GKN2: variants seen among roughly 807,000 people sequenced by gnomAD.
GKN2 encodes gastrokine-2.
Under a neutral mutation model 22.7 loss-of-function variants are expected in GKN2, and 17 were observed. The ratio of observed to expected loss-of-function variants is 0.75; its 90% CI spans 0.51 to 1.13. GKN2 has a LOEUF of 1.13. Among genes scored for constraint, GKN2 ranks in the 50% most tolerant of loss-of-function variants. The pLI is 0.00. For missense variants in GKN2, 248 were observed against 221.4 expected, an observed-to-expected ratio of 1.12 and a Z score of -0.76; for synonymous variants, 82 against 79.6, an observed-to-expected ratio of 1.03 and a Z score of -0.16.
chr2:68,946,539 TTTTCTC>T (rs1160293512), intron 4 of GKN2, 79 bp from the exon 5 acceptor site: 1 of 1,239,964 alleles, frequency 8.1e-7, no homozygotes, highest in African/African-American at 1.5e-5. Flanking sequence ...TTGTGACAAT[TTTTCTC>T]TTTCAGATTA....
intron 2 of GKN2, 81 bp from the exon 3 acceptor site, chr2:68,950,344 C>A: frequency 7.3e-7 from 1 of 1,373,278 alleles, no homozygotes; most frequent in Non-Finnish European, 9.9e-7. Flanking sequence ...AATAAAGCAG[C>A]TGCCTGCTAT....
At chr2:68,948,249 A>AAAC (rs1669800500) in intron 3 of GKN2, among the ~76,000 whole-genome samples, 2 of 49,808 alleles carry the variant, frequency 4.0e-5, no homozygotes, top group Admixed American at 4.4e-4. Context: ...CCGTCAAAAA[A>AAAC]AAAAAACAAA....
intron 4 of GKN2, 67 bp from the exon 5 acceptor site, chr2:68,946,527 A>C: frequency 5.4e-6 from 7 of 1,306,602 alleles, no homozygotes; most frequent in Non-Finnish European, 6.2e-6. Context: ...CCTTATTCTA[A>C]ATTGTGACAA....
intron 1 of GKN2, among the ~76,000 whole-genome samples, chr2:68,951,868 C>A (rs1355464081): frequency 4.6e-5 from 7 of 152,214 alleles, no homozygotes; most frequent in Non-Finnish European, 1.5e-5. Flanking sequence ...CCAAAATGAT[C>A]TCCCTTCCAA....
At chr2:68,947,413 C>A (rs960926239) in intron 3 of GKN2, among the ~76,000 whole-genome samples, 156 bp from the exon 4 acceptor site, 1 of 152,168 alleles carries the variant, frequency 6.6e-6, no homozygotes, top group Non-Finnish European at 1.5e-5. Context: ...ATCCACTTGA[C>A]TTATTTTACA....
At position 68,950,208 on chromosome 2, in the gene GKN2, G is replaced by T. The variant is rs762607590; in HGVS notation, c.122C>A (p.Thr41Lys). The change falls in exon 3 of 6, where the codon ACA (threonine) becomes AAA (lysine). Residue 41 changes from threonine (T) to lysine (K), a missense_variant. Coordinates refer to ENST00000328895, the MANE Select transcript of GKN2 (RefSeq NM_182536.3). ...NNGGNVQETV[T>K]IDNEKNTAII... ...GGCGGTATTTTTTTCATTATCAATT[G>T]TCACTGTCTCCTGAACATTGCCACC... 8.1e-6 allele frequency: 13 copies of T among 1,613,548 alleles called. No individual in the cohort carries two copies. Among genetic ancestry groups the T allele is most frequent in the African/African-American group, 4.0e-5 (3 of 74,912 alleles).
At position 68,945,336 on chromosome 2, in the gene GKN2, T is replaced by G; in HGVS notation, c.*32A>C. 1 of 1,472,836 alleles carries G rather than the reference T, an allele frequency of 6.8e-7. No homozygotes were observed. The highest frequency in any genetic ancestry group is 1.3e-5 in the South Asian group (1 of 76,310). 91.2% of individuals were successfully genotyped at this position (1,472,836 alleles called of 1,614,324 possible). On this transcript the variant is annotated 3_prime_UTR_variant, in exon 6 of 6. Transcript: ENST00000328895. ...TGAGTGTAAACCAAGGATGTATTTC[T>G]TTGAAAAGATAAAACAAGAGGGCTA...
rs1669834756 is a variant in GKN2, at chr2:68,950,183, G to T, written c.147C>A (p.Ala49=). Residue 49 remains alanine (A), a synonymous_variant, in exon 3 of 6, where the codon GCC becomes GCA. Coordinates refer to ENST00000328895, the MANE Select transcript of GKN2 (RefSeq NM_182536.3). The part of the protein sequence containing the change: ...TVTIDNEKNT[A]IINIHAGSCS... ...ATGATCCTGCATGGATGTTAATGATGGCGGTATTTTTTTCATTATCAATTG... is the reference window on the plus strand; with the variant it reads ...ATGATCCTGCATGGATGTTAATGATTGCGGTATTTTTTTCATTATCAATTG... 1 of 1,613,770 alleles carries T rather than the reference G, an allele frequency of 6.2e-7. No homozygotes were observed. Among genetic ancestry groups the T allele is most frequent in the Non-Finnish European group, 8.5e-7 (1 of 1,179,686 alleles).
chr2:68,950,396 A>G (rs2103893539), intron 2 of GKN2, 133 bp from the exon 3 acceptor site: 1 of 831,660 alleles, frequency 1.2e-6, no homozygotes. Context: ...TGGGGTCCCA[A>G]TCCAAAAACT....
chr2:68,951,715 C>G (rs947590476), intron 1 of GKN2, among the ~76,000 whole-genome samples: 1 of 152,196 alleles, frequency 6.6e-6, no homozygotes, highest in Non-Finnish European at 1.5e-5. Flanking sequence ...TACATCTTCT[C>G]TTACCACAGA....
intron 4 of GKN2, among the ~76,000 whole-genome samples, chr2:68,946,733 C>T (rs1669773309): frequency 6.6e-6 from 1 of 152,098 alleles, no homozygotes; most frequent in Admixed American, 6.5e-5. Context: ...GAGACTTAAA[C>T]CTTGGGTCTC....
chr2:68,951,817 T>C (rs1022871871), intron 1 of GKN2, among the ~76,000 whole-genome samples: 9 of 152,248 alleles, frequency 5.9e-5, no homozygotes, highest in East Asian at 5.8e-4. Context: ...TAAACCACTT[T>C]AATGGTATGA....
rs767698547 is a variant in GKN2, at chr2:68,947,258, C to CT, written c.205-2dup. The CT allele has an allele frequency of 9.4e-6, 15 of 1,598,340 alleles. No homozygotes were observed. Among genetic ancestry groups the CT allele is most frequent in the Non-Finnish European group, 1.0e-5 (12 of 1,165,718 alleles). ...AGAGCACCCTGGATGCAATGTAGCCCTGAGGCAGCAAGAGTACAGTTACTG... is the reference window on the plus strand; with the variant it reads ...AGAGCACCCTGGATGCAATGTAGCCCTTGAGGCAGCAAGAGTACAGTTACTG... On this transcript the variant is annotated splice_acceptor_variant, in intron 3 of 5. Coordinates refer to ENST00000328895, the MANE Select transcript of GKN2 (RefSeq NM_182536.3). LOFTEE classifies it high-confidence loss of function.
rs761999176 is a variant in GKN2, at chr2:68,946,303, C to A, written c.472+1G>T. Reference sequence around the variant, plus strand: ...TGAGTGAATGACTTATTGGTACTCACGTGTGTTTTCAACCACTTCCCCCTT... The same window carrying A: ...TGAGTGAATGACTTATTGGTACTCAAGTGTGTTTTCAACCACTTCCCCCTT... On this transcript the variant is annotated splice_donor_variant, in intron 5 of 5. Transcript: ENST00000328895. LOFTEE classifies it high-confidence loss of function. 7 of 1,604,880 alleles carry A rather than the reference C, an allele frequency of 4.4e-6. No homozygotes were observed. The highest frequency in any genetic ancestry group is 4.0e-5 in the African/African-American group (3 of 74,570).
rs759288784 is a variant in GKN2, at chr2:68,947,298, C to T, written c.205-41G>A. The T allele has an allele frequency of 1.9e-5, 24 of 1,289,104 alleles. No individual in the cohort carries two copies. In the Admixed American group the frequency reaches 3.7e-4, roughly 20 times the overall value. 79.9% of individuals were successfully genotyped at this position (1,289,104 alleles called of 1,614,324 possible). On this transcript the variant is annotated intron_variant, in intron 3 of 5. Coordinates refer to ENST00000328895, the MANE Select transcript of GKN2 (RefSeq NM_182536.3). ...TACAGTTACTGTTCCTCCCTAGTTC[C>T]CTGAATCTGAACTTGGTGAAGATGA...
intron 3 of GKN2, among the ~76,000 whole-genome samples, chr2:68,947,804 G>C (rs1319804328): frequency 2.0e-5 from 3 of 152,002 alleles, no homozygotes; most frequent in Non-Finnish European, 4.4e-5. Flanking sequence ...TAGCCAGGCT[G>C]GTCTCAAACT....
At chr2:68,948,469 G>T (rs1380935603) in intron 3 of GKN2, among the ~76,000 whole-genome samples, 3 of 152,066 alleles carry the variant, frequency 2.0e-5, no homozygotes, top group African/African-American at 7.2e-5. Flanking sequence ...GCTGCTTTAG[G>T]AGCTCTCATA....
rs1669762223 is a variant in GKN2, at chr2:68,946,238, C to G, written c.472+66G>C. On this transcript the variant is annotated intron_variant, in intron 5 of 5. Coordinates refer to ENST00000328895, the MANE Select transcript of GKN2 (RefSeq NM_182536.3). ...TATTTGCATTTCACTTGGCACCCAA[C>G]AGAGCACCTGGCACATAGTAGCTTT... is the stretch of plus-strand genomic sequence containing the variant. 4 of 1,430,152 alleles carry G rather than the reference C, an allele frequency of 2.8e-6. No homozygotes were observed. The South Asian group carries it at 5.6e-5, about 20-fold the overall frequency. The allele number at this position is 1,430,152 out of a possible 1,614,324, so 88.6% of individuals were successfully genotyped here.
In GKN2 at chr2:68,950,129, T is replaced by C. The variant is rs1257634698; in HGVS notation, c.201A>G (p.Lys67=). ...TGAAAATTCATTTGCTGCTTACATG[T>C]TTATAGTCAAAAATTGTGGTAGAAG... is the stretch of plus-strand genomic sequence containing the variant. ...SCSSTTIFDY[K]HGYIASRVLS... The change falls in exon 3 of 6, where the codon AAA becomes AAG. Residue 67 remains lysine (K), a synonymous_variant. Transcript: ENST00000328895. 6.2e-7 allele frequency: 1 copy of C among 1,612,504 alleles called. No homozygotes were observed. Among genetic ancestry groups the C allele is most frequent in the Non-Finnish European group, 8.5e-7 (1 of 1,179,568 alleles).
Sources: gnomAD v4.1 joint callset for allele counts (sites outside exome capture counted in the v4.1 genomes callset) on GRCh38, gnomAD v4.1.1 for gene constraint, MANE v1.5 for transcripts, NCBI Gene and HGNC (gene_info 2026-07-23, HGNC 2026-07-21) for gene names.